PRKG1: variants seen among roughly 807,000 people sequenced by gnomAD.
The protein encoded by PRKG1 is cGMP-dependent protein kinase 1.
A neutral mutation model predicts 88.1 loss-of-function variants in PRKG1; 35 were observed. The observed-to-expected ratio is 0.40, with a 90% CI of 0.30 to 0.53. The LOEUF is 0.53. Among genes scored for constraint, PRKG1 ranks in the 20% least tolerant of loss-of-function variants. The probability of loss-of-function intolerance (pLI) is 0.59; values close to 1 mark genes in which losing one functional copy is unlikely to be tolerated. For synonymous variants in PRKG1, 303 were observed against 292.5 expected (o/e 1.04, Z -0.37); for missense variants, 540 against 839.8 (o/e 0.64, Z 4.41).
At chr10:51,744,061 A>C (rs994884114) in intron 3 of PRKG1, among the ~76,000 whole-genome samples, 1 of 151,976 alleles carries the variant, frequency 6.6e-6, no homozygotes, top group African/African-American at 2.4e-5. Context: ...CTTGTACTGT[A>C]AACCACCAAC....
chr10:52,216,336 C>T (rs1840109915), intron 9 of PRKG1, among the ~76,000 whole-genome samples: 1 of 152,180 alleles, frequency 6.6e-6, no homozygotes, highest in Non-Finnish European at 1.5e-5. Flanking sequence ...CAACAGGCTC[C>T]TGGGCTGGGG....
intron 5 of PRKG1, among the ~76,000 whole-genome samples, chr10:51,920,586 T>A (rs1842443626): frequency 6.6e-6 from 1 of 152,190 alleles, no homozygotes; most frequent in Admixed American, 6.6e-5. Flanking sequence ...TGTGTTTATA[T>A]ATCTATCTTT....
intron 4 of PRKG1, among the ~76,000 whole-genome samples, chr10:51,806,178 T>C (rs967504790): frequency 6.6e-6 from 1 of 152,218 alleles, no homozygotes; most frequent in African/African-American, 2.4e-5. Context: ...AGATTACAAC[T>C]GGTAATCAAT....
At chr10:51,578,677 T>C (rs970760977) in intron 3 of PRKG1, among the ~76,000 whole-genome samples, 1 of 152,158 alleles carries the variant, frequency 6.6e-6, no homozygotes, top group Non-Finnish European at 1.5e-5. Flanking sequence ...CTATTTATCC[T>C]TTAATGTCTT....
chr10:51,264,468 A>T (rs187603282), intron 2 of PRKG1, among the ~76,000 whole-genome samples: 1 of 152,332 alleles, frequency 6.6e-6, no homozygotes, highest in African/African-American at 2.4e-5. Flanking sequence ...TAATATGTGT[A>T]TGTATGGAAG....
At chr10:51,106,575 A>T (rs1443636246) in intron 1 of PRKG1, among the ~76,000 whole-genome samples, 1 of 152,092 alleles carries the variant, frequency 6.6e-6, no homozygotes, top group East Asian at 1.9e-4. Flanking sequence ...GCTCAGATTC[A>T]CTCAGATCTT....
intron 9 of PRKG1, among the ~76,000 whole-genome samples, chr10:52,165,614 C>G (rs1182191495): frequency 6.6e-6 from 1 of 151,928 alleles, no homozygotes; most frequent in Non-Finnish European, 1.5e-5. Flanking sequence ...TTTGCAAAAC[C>G]TACGGAAGAT....
chr10:51,966,759 T>A (rs951996313), intron 5 of PRKG1, among the ~76,000 whole-genome samples: 1 of 152,180 alleles, frequency 6.6e-6, no homozygotes, highest in Non-Finnish European at 1.5e-5. Flanking sequence ...TTCACTCTCC[T>A]TTAGAAGCCT....
At chr10:51,295,874 T>C (rs1369871143) in intron 2 of PRKG1, among the ~76,000 whole-genome samples, 1 of 152,212 alleles carries the variant, frequency 6.6e-6, no homozygotes, top group South Asian at 2.1e-4. Flanking sequence ...TTGAGAGTTT[T>C]TATCATGAAA....
chr10:51,264,541 G>A (rs1839792863), intron 2 of PRKG1, among the ~76,000 whole-genome samples: 1 of 152,126 alleles, frequency 6.6e-6, no homozygotes, highest in Admixed American at 6.6e-5. Context: ...GGTATTCTGT[G>A]GCAAATGGGC....
intron 4 of PRKG1, among the ~76,000 whole-genome samples, chr10:51,805,093 GACTC>G (rs1839269800): frequency 6.6e-6 from 1 of 152,034 alleles, no homozygotes; most frequent in South Asian, 2.1e-4. Context: ...CTTCTAAACA[GACTC>G]ACACTGTAAG....
intron 3 of PRKG1, among the ~76,000 whole-genome samples, chr10:51,727,471 A>G (rs145339866): frequency 1.3e-5 from 2 of 152,238 alleles, no homozygotes; most frequent in East Asian, 1.9e-4. Flanking sequence ...ATCGAGTGAA[A>G]CCAAGATTCT....
At chr10:51,062,907 C>A (rs1048350752) in intron 1 of PRKG1, 1 of 152,162 alleles carries the variant, frequency 6.6e-6, no homozygotes, top group Non-Finnish European at 1.5e-5. Context: ...CAGGCATGAG[C>A]CACCGTGCCC....
intron 3 of PRKG1, among the ~76,000 whole-genome samples, chr10:51,595,729 C>T (rs1838428927): frequency 6.6e-6 from 1 of 152,074 alleles, no homozygotes; most frequent in Non-Finnish European, 1.5e-5. Context: ...ATCATCACTC[C>T]TCCAGGTAAA....
intron 4 of PRKG1, among the ~76,000 whole-genome samples, chr10:51,886,969 C>A (rs991276637): frequency 7.0e-6 from 1 of 143,318 alleles, no homozygotes; most frequent in African/African-American, 2.6e-5. Flanking sequence ...ATACACAGAG[C>A]CAAATGTATG....
intron 5 of PRKG1, among the ~76,000 whole-genome samples, chr10:52,053,983 T>C (rs1846049870): frequency 6.6e-6 from 1 of 152,158 alleles, no homozygotes; most frequent in African/African-American, 2.4e-5. Context: ...GCTCTAATTA[T>C]GAGAATATAA....
At chr10:51,537,345 C>T (rs1460816561) in intron 3 of PRKG1, among the ~76,000 whole-genome samples, 1 of 152,154 alleles carries the variant, frequency 6.6e-6, no homozygotes, top group Non-Finnish European at 1.5e-5. Context: ...AAGTTCTTAA[C>T]TTACATACCT....
At chr10:51,433,284 T>C (rs1588953155) in intron 2 of PRKG1, among the ~76,000 whole-genome samples, 1 of 151,900 alleles carries the variant, frequency 6.6e-6, no homozygotes, top group East Asian at 1.9e-4. Context: ...ATTAAGAGGG[T>C]TAAGAAATGA....
intron 2 of PRKG1, among the ~76,000 whole-genome samples, chr10:51,396,178 G>A (rs1837571351): frequency 6.6e-6 from 1 of 152,138 alleles, no homozygotes; most frequent in African/African-American, 2.4e-5. Context: ...TTGAGGCCAG[G>A]AGTTTGAGAT....
Sources: gnomAD v4.1 joint callset for allele counts (sites outside exome capture counted in the v4.1 genomes callset) on GRCh38, gnomAD v4.1.1 for gene constraint, MANE v1.5 for transcripts, NCBI Gene and HGNC (gene_info 2026-07-23, HGNC 2026-07-21) for gene names.